MAML2: variants seen among roughly 807,000 people sequenced by gnomAD.
The protein encoded by MAML2 is mastermind-like protein 2.
Under a neutral mutation model 96.1 loss-of-function variants are expected in MAML2, and 22 were observed. The observed-to-expected ratio is 0.23, with a 90% CI of 0.16 to 0.33. The LOEUF is 0.33. Ranked by LOEUF, MAML2 falls within the 10% of genes least tolerant of loss-of-function variation. The pLI is 1.00. For missense variants in MAML2, 1,367 were observed against 1,392.4 expected (o/e 0.98, Z 0.29); for synonymous variants, 561 against 521.3 (o/e 1.08, Z -1.04).
intron 1 of MAML2, among the ~76,000 whole-genome samples, chr11:96,323,511 C>T (rs1452809782): frequency 2.0e-5 from 3 of 151,312 alleles, no homozygotes; most frequent in Admixed American, 1.3e-4. Flanking sequence ...TCTGCATGCT[C>T]AGAGATAAGA....
intron 1 of MAML2, among the ~76,000 whole-genome samples, chr11:96,274,157 A>C (rs1461675566): frequency 7.4e-6 from 1 of 135,722 alleles, no homozygotes; most frequent in Non-Finnish European, 1.5e-5. Context: ...ATCTTGGCTC[A>C]CTGCAAGCTC....
intron 2 of MAML2, among the ~76,000 whole-genome samples, chr11:96,079,931 G>T (rs938237065): frequency 6.6e-5 from 10 of 152,186 alleles, no homozygotes; most frequent in Non-Finnish European, 1.3e-4. Flanking sequence ...CTGTGGAGAT[G>T]AGATGTATCA....
At position 96,342,078 on chromosome 11, in the gene MAML2, A is replaced by G; in HGVS notation, c.-183T>C. On this transcript the variant is annotated 5_prime_UTR_variant, in exon 1 of 5. Transcript: ENST00000524717. Reference sequence around the variant, plus strand: ...GTGGGGGAGGGGAGTTAGTAAAAAGAGGGTGGGGAGAAAGAATAGAAACCA... The same window carrying G: ...GTGGGGGAGGGGAGTTAGTAAAAAGGGGGTGGGGAGAAAGAATAGAAACCA... 1 of 579,472 alleles carries G rather than the reference A, an allele frequency of 1.7e-6. No homozygotes were observed. Among genetic ancestry groups the G allele is most frequent in the Non-Finnish European group, 3.0e-6 (1 of 334,764 alleles). 35.9% of individuals were successfully genotyped at this position (579,472 alleles called of 1,614,324 possible). A position where few individuals can be genotyped will look rare whatever the true frequency, so the allele number is the denominator to read the frequency against.
rs143039509 is a variant in MAML2, at chr11:96,004,374, C to T, written c.2140-12651G>A. 4.1e-3 allele frequency among the ~76,000 whole-genome samples: 630 copies of T among 151,928 alleles called. 3 individuals carry two copies. The highest frequency in any genetic ancestry group is 0.014 in the African/African-American group (596 of 41,414). ...GGCCAAATTATACATGAAACAAATC[C>T]GGAATAAAAAAATTGATTTCCAAAG... On this transcript the variant is annotated intron_variant, in intron 2 of 4. Transcript: ENST00000524717.
At chr11:96,055,184 C>T (rs1859044322) in intron 2 of MAML2, among the ~76,000 whole-genome samples, 1 of 152,150 alleles carries the variant, frequency 6.6e-6, no homozygotes. Context: ...AAGGGTAGAC[C>T]ATTCATTCCC....
chr11:96,218,108 G>A (rs1425202808), intron 1 of MAML2, among the ~76,000 whole-genome samples: 5 of 152,158 alleles, frequency 3.3e-5, no homozygotes, highest in Non-Finnish European at 7.3e-5. Context: ...TTTGCTTTCT[G>A]CGTCGAGGTA....
intron 2 of MAML2, among the ~76,000 whole-genome samples, chr11:96,028,025 C>A (rs1443001279): frequency 6.6e-6 from 1 of 152,148 alleles, no homozygotes; most frequent in African/African-American, 2.4e-5. Flanking sequence ...AACCACAGCA[C>A]CTGGCCCATT....
At chr11:96,326,358 C>CCTATGT (rs111725703) in intron 1 of MAML2, among the ~76,000 whole-genome samples, 7 of 147,756 alleles carry the variant, frequency 4.7e-5, no homozygotes, top group African/African-American at 1.5e-4. Flanking sequence ...CACACTAAAG[C>CCTATGT]GTGTGTGTGT....
intron 2 of MAML2, among the ~76,000 whole-genome samples, chr11:96,037,356 T>C (rs1181494477): frequency 1.3e-5 from 2 of 152,222 alleles, no homozygotes; most frequent in African/African-American, 4.8e-5. Flanking sequence ...TGTCCAAAAG[T>C]CCAGGTGTTC....
intron 1 of MAML2, among the ~76,000 whole-genome samples, chr11:96,316,975 C>T (rs551015821): frequency 6.6e-6 from 1 of 152,308 alleles, no homozygotes; most frequent in Non-Finnish European, 1.5e-5. Flanking sequence ...CCCCTCCCCA[C>T]TCTGGTGGAC....
intron 2 of MAML2, among the ~76,000 whole-genome samples, chr11:96,047,930 A>AAAAAG (rs796980098): frequency 0.27 from 32,970 of 122,050 alleles, 5,068 homozygotes; most frequent in East Asian, 0.39. Context: ...AAAAAAAAAA[A>AAAAAG]AAAAGAAAAA....
chr11:96,170,029 A>G (rs71475382), intron 1 of MAML2, among the ~76,000 whole-genome samples: 15,180 of 152,272 alleles, frequency 0.1, 844 homozygotes, highest in African/African-American at 0.13. Context: ...TGTACATTGT[A>G]CAGAGGGCTC....
rs1159597890 is a variant in MAML2, at chr11:95,978,615, C to T, written c.*333G>A. The T allele has an allele frequency of 1.1e-5, 3 of 282,052 alleles. No individual in the cohort carries two copies. The highest frequency in any genetic ancestry group is 2.0e-5 in the Non-Finnish European group (3 of 151,278). The allele number at this position is 282,052 out of a possible 1,614,324, so 17.5% of individuals were successfully genotyped here. ...TTTAAATAAACTACAAGTTCTATTA[C>T]CTTTTTTATTTTCCAGGGAAAAAGA... On this transcript the variant is annotated 3_prime_UTR_variant, in exon 5 of 5. Transcript: ENST00000524717.
At chr11:96,051,271 T>C (rs1363030403) in intron 2 of MAML2, among the ~76,000 whole-genome samples, 12 of 152,160 alleles carry the variant, frequency 7.9e-5, no homozygotes, top group Admixed American at 7.9e-4. Context: ...CAATTAGTCC[T>C]CACATTCTAT....
intron 1 of MAML2, among the ~76,000 whole-genome samples, chr11:96,130,699 C>A (rs960343862): frequency 6.6e-6 from 1 of 151,390 alleles, no homozygotes; most frequent in Non-Finnish European, 1.5e-5. Flanking sequence ...CCATTTCCTA[C>A]AAATGGTCCT....
At chr11:96,250,318 T>A (rs1862566062) in intron 1 of MAML2, among the ~76,000 whole-genome samples, 1 of 152,222 alleles carries the variant, frequency 6.6e-6, no homozygotes, top group Non-Finnish European at 1.5e-5. Context: ...AGGTACATAG[T>A]GATGTTTCAA....
rs569759573 is a variant in MAML2, at chr11:96,043,285, T to A, written c.2139+48607A>T. Among the ~76,000 whole-genome samples the A allele has an allele frequency of 2.0e-5, 3 of 152,310 alleles. No homozygotes were observed. In the East Asian group the frequency reaches 5.8e-4, roughly 29 times the overall value. Reference sequence around the variant, plus strand: ...GCAAAATTTGCTTCCTGTCCCAGAATCAGCACTATGACTAGAGAGTACAGA... The same window carrying A: ...GCAAAATTTGCTTCCTGTCCCAGAAACAGCACTATGACTAGAGAGTACAGA... On this transcript the variant is annotated intron_variant, in intron 2 of 4. Coordinates refer to ENST00000524717, the MANE Select transcript of MAML2 (RefSeq NM_032427.4).
chr11:96,024,024 C>A (rs1246310424), intron 2 of MAML2, among the ~76,000 whole-genome samples: 1 of 152,110 alleles, frequency 6.6e-6, no homozygotes, highest in Non-Finnish European at 1.5e-5. Flanking sequence ...ATAAGATGAT[C>A]ATAAAAATGG....
chr11:95,982,433 C>A (rs1285036802), intron 4 of MAML2, among the ~76,000 whole-genome samples: 1 of 152,150 alleles, frequency 6.6e-6, no homozygotes, highest in African/African-American at 2.4e-5. Context: ...TATGTTCTGG[C>A]TAAGGGAATC....
Sources: allele counts gnomAD v4.1 joint callset (sites outside exome capture counted in the v4.1 genomes callset), GRCh38; gene constraint gnomAD v4.1.1; transcripts MANE v1.5; gene names NCBI Gene and HGNC (gene_info 2026-07-23, HGNC 2026-07-21).